Variants in FANCC observed in about 807,000 individuals in gnomAD.
FANCC encodes Fanconi anemia group C protein.
Under a neutral mutation model 71.3 loss-of-function variants are expected in FANCC, and 55 were observed. The ratio of observed to expected loss-of-function variants is 0.77; its 90% CI spans 0.62 to 0.97. The LOEUF (loss-of-function observed/expected upper bound fraction) is 0.97. FANCC is among the 50% of genes least tolerant of loss of function. The pLI, the probability that FANCC is intolerant of heterozygous loss-of-function variation, is 0.00. For synonymous variants in FANCC, 275 were observed against 244.9 expected (o/e 1.12, Z -1.15); for missense variants, 678 against 670.9 (o/e 1.01, Z -0.12).
At chr9:95,142,677 T>C (rs531186490) in intron 7 of FANCC, 3 of 152,324 alleles carry the variant, frequency 2.0e-5, no homozygotes, top group African/African-American at 4.8e-5. Context: ...ACTATACTTA[T>C]AAAAGGGATC....
chr9:95,117,871 G>A (rs936461832), intron 10 of FANCC, among the ~76,000 whole-genome samples: 6 of 151,706 alleles, frequency 4.0e-5, no homozygotes, highest in Admixed American at 6.6e-5. Flanking sequence ...ACAGGCATGC[G>A]CCACCAAGCA....
chr9:95,239,894 C>G (rs912389229), intron 4 of FANCC, among the ~76,000 whole-genome samples: 2 of 152,230 alleles, frequency 1.3e-5, no homozygotes, highest in Non-Finnish European at 2.9e-5. Flanking sequence ...AGCAGCTGAT[C>G]TGAACCACAA....
chr9:95,237,865 T>C (rs1429731478), intron 4 of FANCC, among the ~76,000 whole-genome samples: 1 of 152,208 alleles, frequency 6.6e-6, no homozygotes, highest in Non-Finnish European at 1.5e-5. Flanking sequence ...ATAACTTTAA[T>C]AATGATTAAA....
intron 14 of FANCC, among the ~76,000 whole-genome samples, chr9:95,102,657 G>A (rs1439502411): frequency 6.6e-6 from 1 of 152,190 alleles, no homozygotes; most frequent in African/African-American, 2.4e-5. Context: ...GGCCGTTCTG[G>A]GAGGGTGAAC....
chr9:95,112,518 T>C (rs2072028879), intron 12 of FANCC, among the ~76,000 whole-genome samples: 1 of 152,220 alleles, frequency 6.6e-6, no homozygotes, highest in South Asian at 2.1e-4. Context: ...AACAGAGACA[T>C]GTCCCTCTTT....
chr9:95,181,159 TTGTGTGTG>T (rs10692344), intron 4 of FANCC, among the ~76,000 whole-genome samples: 5,863 of 148,412 alleles, frequency 0.04, 190 homozygotes, highest in African/African-American at 0.086. Flanking sequence ...CACGTACACA[TTGTGTGTG>T]TGTGTGTGTG....
chr9:95,156,056 C>T (rs1185277724), intron 6 of FANCC, among the ~76,000 whole-genome samples: 2 of 152,042 alleles, frequency 1.3e-5, no homozygotes, highest in Admixed American at 6.6e-5. Context: ...AAAAATTTGC[C>T]TTTGTGCCAG....
chr9:95,203,393 A>AAAAAC (rs929372793), intron 4 of FANCC, among the ~76,000 whole-genome samples: 4 of 151,614 alleles, frequency 2.6e-5, no homozygotes, highest in Non-Finnish European at 4.4e-5. Context: ...AAAAAAAAAA[A>AAAAAC]AAACACCTGA....
In FANCC at chr9:95,292,787, C is replaced by A. The variant is rs555133560; in HGVS notation, c.-79+24739G>T. 5.2e-6 allele frequency: 8 copies of A among 1,536,968 alleles called. No homozygotes were observed. The East Asian group carries it at 1.8e-4, about 35-fold the overall frequency. On this transcript the variant is annotated intron_variant, in intron 1 of 14. Transcript: ENST00000289081. ...ACAGACCATTTTCTCAGTTTTCTCT[C>A]GTAAAACAGCACTTTATGAAAATCC...
chr9:95,110,961 A>ATTACT (rs1160953460), intron 13 of FANCC: 3 of 1,398,926 alleles, frequency 2.1e-6, no homozygotes, highest in African/African-American at 1.4e-5. Flanking sequence ...ATATCATCTG[A>ATTACT]TTACTTTAGT....
chr9:95,229,910 A>G (rs1288246446), intron 4 of FANCC, among the ~76,000 whole-genome samples: 1 of 152,184 alleles, frequency 6.6e-6, no homozygotes, highest in Admixed American at 6.5e-5. Context: ...AAGGGAAAAA[A>G]TTCTGAATTA....
chr9:95,177,427 G>A (rs1826080513), intron 4 of FANCC, among the ~76,000 whole-genome samples: 1 of 152,158 alleles, frequency 6.6e-6, no homozygotes, highest in South Asian at 2.1e-4. Flanking sequence ...CTGCACCACT[G>A]TAGACTTCAC....
Position 95,244,678 on chromosome 9 carries a change from CAAAAAAAAAAAAAAAAAA to C in FANCC, c.250+2736_250+2753del, listed in dbSNP as rs576605250. On this transcript the variant is annotated intron_variant, in intron 3 of 14. Transcript: ENST00000289081. ...TAGGCAACAGAGCAAGACTTTGTCT[CAAAAAAAAAAAAAAAAAA>C]AAAAAAAAAAAAAAAAACCCAACAC... Among the ~76,000 whole-genome samples, 214 of 41,602 alleles carry C rather than the reference CAAAAAAAAAAAAAAAAAA, an allele frequency of 5.1e-3. 4 individuals carry two copies. The highest frequency in any genetic ancestry group is 6.5e-3 in the Non-Finnish European group (164 of 25,186). The allele number at this position is 41,602 out of a possible 152,430, so 27.3% of individuals were successfully genotyped here. A position where few individuals can be genotyped will look rare whatever the true frequency, so the allele number is the denominator to read the frequency against.
intron 1 of FANCC, among the ~76,000 whole-genome samples, chr9:95,297,140 A>T (rs1455616700): frequency 6.6e-6 from 1 of 152,196 alleles, no homozygotes; most frequent in Admixed American, 6.5e-5. Flanking sequence ...GGGGCTCACC[A>T]GGGGAACAGC....
chr9:95,261,615 C>A (rs1344697232), intron 1 of FANCC, among the ~76,000 whole-genome samples: 4 of 152,154 alleles, frequency 2.6e-5, no homozygotes. Flanking sequence ...TTTACCCAGT[C>A]CCTAAGGAAT....
At chr9:95,212,532 C>A (rs570541837) in intron 4 of FANCC, among the ~76,000 whole-genome samples, 1 of 152,086 alleles carries the variant, frequency 6.6e-6, no homozygotes, top group South Asian at 2.1e-4. Flanking sequence ...GAAATAAGGC[C>A]TCTTTCCGAG....
chr9:95,128,318 G>A (rs1310119018), intron 8 of FANCC, among the ~76,000 whole-genome samples: 2 of 152,230 alleles, frequency 1.3e-5, no homozygotes, highest in African/African-American at 4.8e-5. Flanking sequence ...ACAACAACAT[G>A]CCTATTGAAT....
chr9:95,259,683 T>C (rs931258051), intron 1 of FANCC, among the ~76,000 whole-genome samples: 2 of 152,088 alleles, frequency 1.3e-5, no homozygotes, highest in Non-Finnish European at 2.9e-5. Flanking sequence ...AAAGCTAAAA[T>C]TGACAAATGG....
Position 95,240,634 on chromosome 9 carries a change from G to T in FANCC, c.345+15C>A, listed in dbSNP as rs750520342. 2 of 1,572,138 alleles carry T rather than the reference G, an allele frequency of 1.3e-6. No homozygotes were observed. Among genetic ancestry groups the T allele is most frequent in the South Asian group, 2.2e-5 (2 of 90,046 alleles). On this transcript the variant is annotated intron_variant, in intron 4 of 14. Coordinates refer to ENST00000289081, the MANE Select transcript of FANCC (RefSeq NM_000136.3). ...TTTAATTCAAAGAAGTGCAGAGCAA[G>T]ATTTACTCTCTTACCTGTATCCAGG...
Sources: allele counts gnomAD v4.1 joint callset (sites outside exome capture counted in the v4.1 genomes callset), GRCh38; gene constraint gnomAD v4.1.1; transcripts MANE v1.5; gene names NCBI Gene and HGNC (gene_info 2026-07-23, HGNC 2026-07-21).